The following ARHGEF4 variants were observed in gnomAD, a reference collection of about 807,000 sequenced individuals.
ARHGEF4 encodes the protein APC-stimulated guanine nucleotide exchange factor 1.
ARHGEF4 carries 119 observed loss-of-function variants against 162.0 expected under a neutral mutation model. The ratio of observed to expected loss-of-function variants is 0.73; its 90% CI spans 0.63 to 0.86. The LOEUF (loss-of-function observed/expected upper bound fraction) is 0.86, where lower values mean the gene tolerates loss of function less well. ARHGEF4 is among the 40% of genes least tolerant of loss of function. The pLI is 0.00. For synonymous variants in ARHGEF4, 1,014 were observed against 979.9 expected, an observed-to-expected ratio of 1.03 and a Z score of -0.65; for missense variants, 2,488 against 2,456.0, an observed-to-expected ratio of 1.01 and a Z score of -0.28.
At chr2:131,021,214 A>G (rs938657699) in intron 4 of ARHGEF4, among the ~76,000 whole-genome samples, 5 of 152,170 alleles carry the variant, frequency 3.3e-5, no homozygotes, top group African/African-American at 1.2e-4. Context: ...GCATCATGCT[A>G]CCTGACTTCA....
At chr2:130,876,222 G>T (rs532855479) in intron 1 of ARHGEF4, among the ~76,000 whole-genome samples, 39 of 152,294 alleles carry the variant, frequency 2.6e-4, no homozygotes, top group Non-Finnish European at 1.0e-4. Flanking sequence ...GGCACAGGCG[G>T]CCTAGGGTTT....
intron 5 of ARHGEF4, among the ~76,000 whole-genome samples, chr2:131,036,634 G>A (rs1200705890): frequency 2.6e-5 from 4 of 152,190 alleles, no homozygotes; most frequent in Non-Finnish European, 1.5e-5. Context: ...TAAAGGAAAG[G>A]GGAATGGGGG....
intron 4 of ARHGEF4, among the ~76,000 whole-genome samples, chr2:131,015,451 G>A (rs1203091969): frequency 2.0e-5 from 3 of 152,230 alleles, no homozygotes; most frequent in Admixed American, 2.0e-4. Context: ...TACTCCGTTC[G>A]CATGACAAAT....
rs1681414216 is a variant in ARHGEF4 at position 130,915,314 on chromosome 2, G to A, written c.1368G>A (p.Glu456=). The A allele has an allele frequency of 2.6e-6, 4 of 1,550,696 alleles. No homozygotes were observed. In the African/African-American group the frequency reaches 4.1e-5, roughly 16 times the overall value. ...AGCTCAGTGCAGAGGAAGTGCCTGA[G>A]CCCGCTGAGTGCAAGTCAGAGCAAA... The part of the protein sequence containing the change: ...LVKLSAEEVP[E]PAECKSEQSP... Residue 456 remains glutamate, a synonymous_variant, in exon 2 of 14, where the codon GAG becomes GAA. Coordinates refer to ENST00000409359, the MANE Select transcript of ARHGEF4 (RefSeq NM_001367493.1).
At chr2:130,851,051 G>T (rs1419110723) in intron 1 of ARHGEF4, among the ~76,000 whole-genome samples, 1 of 152,276 alleles carries the variant, frequency 6.6e-6, no homozygotes, top group African/African-American at 2.4e-5. Context: ...CAGCCTGCTG[G>T]GTCCCCTTGC....
rs1234946862 is a variant in ARHGEF4 at position 130,916,645 on chromosome 2, C to T, written c.2699C>T (p.Thr900Ile). Residue 900 changes from threonine to isoleucine, a missense_variant, in exon 2 of 14, where the codon ACA becomes ATA. Transcript: ENST00000409359. ...AGCTGCAACGCAAAGAGACTCAAAACAACGGAGAAAAAACTCAGGGCAAGG... is the reference window on the plus strand; with the variant it reads ...AGCTGCAACGCAAAGAGACTCAAAATAACGGAGAAAAAACTCAGGGCAAGG... ...SESCNAKRLK[T>I]TEKKLRARLA... 2 of 1,550,492 alleles carry T rather than the reference C, an allele frequency of 1.3e-6. No homozygotes were observed. The highest frequency in any genetic ancestry group is 2.4e-5 in the East Asian group (1 of 40,916).
intron 4 of ARHGEF4, among the ~76,000 whole-genome samples, chr2:130,984,356 C>T (rs191411940): frequency 7.4e-4 from 113 of 152,272 alleles, no homozygotes; most frequent in African/African-American, 2.7e-3. Flanking sequence ...GCAAACTCCA[C>T]ATTCCAAACG....
chr2:130,963,320 C>A (rs1224820961), intron 4 of ARHGEF4, among the ~76,000 whole-genome samples: 3 of 152,054 alleles, frequency 2.0e-5, no homozygotes, highest in Non-Finnish European at 2.9e-5. Flanking sequence ...AGATGAGGGT[C>A]GTGTCCCGTC....
At position 130,916,248 on chromosome 2, in the gene ARHGEF4, C is replaced by G. The variant is rs1294925241; in HGVS notation, c.2302C>G (p.Arg768Gly). 1.9e-5 allele frequency: 29 copies of G among 1,526,676 alleles called. No homozygotes were observed. The highest frequency in any genetic ancestry group is 2.4e-5 in the Non-Finnish European group (27 of 1,138,802). The allele number at this position is 1,526,676 out of a possible 1,614,324, so 94.6% of individuals were successfully genotyped here. A position where few individuals can be genotyped will look rare whatever the true frequency, so the allele number is the denominator to read the frequency against. Reference sequence around the variant, plus strand: ...TGCAGCAGCCCGGGGCCAGCGCCCCCGCGTCCCCGCCTTGGAGCCGCCCCA... The same window carrying G: ...TGCAGCAGCCCGGGGCCAGCGCCCCGGCGTCCCCGCCTTGGAGCCGCCCCA... ...GAAAARGQRPRVPALEPPQPP... is the reference protein window; with the variant it reads ...GAAAARGQRPGVPALEPPQPP... Residue 768 changes from arginine (R) to glycine (G), a missense_variant, in exon 2 of 14, where the codon CGC becomes GGC. Coordinates refer to ENST00000409359, the MANE Select transcript of ARHGEF4 (RefSeq NM_001367493.1).
chr2:131,002,740 A>T (rs1198543196), intron 4 of ARHGEF4, among the ~76,000 whole-genome samples: 1 of 133,342 alleles, frequency 7.5e-6, no homozygotes. Context: ...AAAAAAAAAA[A>T]AGGGTTGTGG....
chr2:130,933,877 ATTACT>A (rs1178268296), intron 3 of ARHGEF4, among the ~76,000 whole-genome samples: 2 of 152,312 alleles, frequency 1.3e-5, no homozygotes, highest in South Asian at 2.1e-4. Flanking sequence ...ATAAAAATAG[ATTACT>A]TTACTTCTTC....
In ARHGEF4 at chr2:130,853,684, A is replaced by T. The variant is rs376028933; in HGVS notation, c.39+16692A>T. On this transcript the variant is annotated intron_variant, in intron 1 of 13. Transcript: ENST00000409359. ...TTGTCTTTGGCTCTCCTAGGGGCCT[A>T]TGGTGCGGTCTGCCCCTCTCCAGTG... is the stretch of plus-strand genomic sequence containing the variant. 2.6e-5 allele frequency among the ~76,000 whole-genome samples: 4 copies of T among 152,300 alleles called. No individual in the cohort carries two copies. In the East Asian group the frequency reaches 5.8e-4, roughly 22 times the overall value.
At chr2:131,034,168 C>T (rs970391346) in intron 5 of ARHGEF4, among the ~76,000 whole-genome samples, 1 of 152,180 alleles carries the variant, frequency 6.6e-6, no homozygotes, top group African/African-American at 2.4e-5. Flanking sequence ...TCTGTGCGCC[C>T]CTCCCTGCCC....
intron 1 of ARHGEF4, among the ~76,000 whole-genome samples, chr2:130,890,913 G>A (rs144924929): frequency 3.0e-4 from 46 of 152,274 alleles, no homozygotes; most frequent in African/African-American, 1.0e-3. Flanking sequence ...AGAGATGCTT[G>A]TCTGTGGGTC....
At position 131,028,967 on chromosome 2, in the gene ARHGEF4, C is replaced by T. The variant is rs192802050; in HGVS notation, c.4125+883C>T. ...AATGAGTTGGGGGGCTTCTCAGAAG[C>T]CAGTGAGGAGGGTGGCGTCCTCCTT... On this transcript the variant is annotated intron_variant, in intron 5 of 13. Transcript: ENST00000409359. 1.0e-3 allele frequency among the ~76,000 whole-genome samples: 156 copies of T among 152,282 alleles called. 1 individual carries two copies. Among genetic ancestry groups the T allele is most frequent in the Non-Finnish European group, 1.5e-3 (99 of 68,030 alleles).
intron 2 of ARHGEF4, among the ~76,000 whole-genome samples, chr2:130,920,696 G>A (rs545800840): frequency 3.9e-5 from 6 of 152,284 alleles, no homozygotes; most frequent in African/African-American, 1.2e-4. Context: ...TTCCCACTTC[G>A]TATTAAGGAG....
At chr2:130,861,437 C>T (rs1682007725) in intron 1 of ARHGEF4, among the ~76,000 whole-genome samples, 1 of 404 alleles carries the variant, frequency 2.5e-3, no homozygotes, top group Admixed American at 0.019. Context: ...CCACCACGCC[C>T]GGCTAATTTT....
chr2:131,020,046 T>G (rs1238201006), intron 4 of ARHGEF4, among the ~76,000 whole-genome samples: 1 of 152,258 alleles, frequency 6.6e-6, no homozygotes, highest in African/African-American at 2.4e-5. Context: ...TAATTTATAT[T>G]CTGTAGCCTT....
In ARHGEF4 at chr2:131,046,062, C is replaced by A; in HGVS notation, c.5504C>A (p.Thr1835Lys). The A allele has an allele frequency of 6.2e-7, 1 of 1,612,108 alleles. No individual in the cohort carries two copies. Among genetic ancestry groups the A allele is most frequent in the Non-Finnish European group, 8.5e-7 (1 of 1,179,304 alleles). Reference protein sequence around the residue: ...PKAVGRPCYLTRQKHPALPSN... With the variant: ...PKAVGRPCYLKRQKHPALPSN... ...GCTGTTGGCCGGCCCTGCTACCTGACGCGCCAGAAGCACCCAGCCCTGCCC... is the reference window on the plus strand; with the variant it reads ...GCTGTTGGCCGGCCCTGCTACCTGAAGCGCCAGAAGCACCCAGCCCTGCCC... Residue 1835 changes from threonine (T) to lysine (K), a missense_variant, in exon 14 of 14, where the codon ACG becomes AAG. Physicochemically the swap from Thr to Lys is moderately conservative, Grantham distance 78 (BLOSUM62 -1). Coordinates refer to ENST00000409359, the MANE Select transcript of ARHGEF4 (RefSeq NM_001367493.1).
Sources: gnomAD v4.1 joint callset for allele counts (sites outside exome capture counted in the v4.1 genomes callset) on GRCh38, gnomAD v4.1.1 for gene constraint, MANE v1.5 for transcripts, NCBI Gene and HGNC (gene_info 2026-07-23, HGNC 2026-07-21) for gene names.